Variants in BAK1 observed in about 807,000 individuals in gnomAD.
BAK1 encodes bcl-2 homologous antagonist/killer.
BAK1 carries 19 observed loss-of-function variants against 24.7 expected under a neutral mutation model. The ratio of observed to expected loss-of-function variants is 0.77; its 90% CI spans 0.54 to 1.13. BAK1 has a LOEUF of 1.13. BAK1 is among the 50% of genes most tolerant of loss of function. The pLI is 0.00. For synonymous variants in BAK1, 86 were observed against 107.3 expected (o/e 0.80, Z 1.23); for missense variants, 194 against 279.4 (o/e 0.69, Z 2.18).
At position 33,577,243 on chromosome 6, in the gene BAK1, A is replaced by G. The variant is rs1762862593; in HGVS notation, c.70+292T>C. On this transcript the variant is annotated intron_variant, in intron 2 of 5. Transcript: ENST00000374467. The surrounding 1 kb of genome is among the most constrained non-coding windows in gnomAD (Gnocchi z 4.6). ...GATACAGCAGCCAGGCCCCACTCTA[A>G]TTCCTGCCTCCCTCGCCCGTGACCC... Among the ~76,000 whole-genome samples, 1 of 152,040 alleles carries G rather than the reference A, an allele frequency of 6.6e-6. No individual in the cohort carries two copies. Among genetic ancestry groups the G allele is most frequent in the African/African-American group, 2.4e-5 (1 of 41,382 alleles).
chr6:33,575,779 C>CG lies in BAK1; in HGVS notation c.206+13dup. 1 of 1,611,166 alleles carries CG rather than the reference C, an allele frequency of 6.2e-7. No homozygotes were observed. The highest frequency in any genetic ancestry group is 8.5e-7 in the Non-Finnish European group (1 of 1,179,180). ...CCTGAAGATGTCCTTGTGGGCCCAG[C>CG]GGTTGTAGCTCACCTGCTAGGTTGC... On this transcript the variant is annotated intron_variant, in intron 3 of 5. Transcript: ENST00000374467. This position sits in a 1 kb window ranked among gnomAD's most constrained non-coding sequence, Gnocchi z 6.3.
At chr6:33,576,501 G>T (rs907142594) in intron 2 of BAK1, among the ~76,000 whole-genome samples, 2 of 150,806 alleles carry the variant, frequency 1.3e-5, no homozygotes, top group Non-Finnish European at 3.0e-5. Context: ...GGCGTGGTGG[G>T]AGGCGCCTGT....
chr6:33,574,491 C>T, intron 4 of BAK1: 1 of 1,464,804 alleles, frequency 6.8e-7, no homozygotes, highest in South Asian at 1.2e-5. Flanking sequence ...TGGATGGAGT[C>T]AGCGGGGAGA....
Position 33,580,131 on chromosome 6 carries a change from G to A in BAK1, c.-138C>T, listed in dbSNP as rs1762912525. On this transcript the variant is annotated 5_prime_UTR_variant, in exon 1 of 6. Transcript: ENST00000374467. ...GGGCTGAGTGGGAGCCCAGTTTCCA[G>A]GAATGGGCGTCAGTGCATTCCCGGC... 1 of 152,380 alleles carries A rather than the reference G, an allele frequency of 6.6e-6. No homozygotes were observed. The highest frequency in any genetic ancestry group is 1.5e-5 in the Non-Finnish European group (1 of 68,082). The allele number at this position is 152,380 out of a possible 1,614,324, so 9.4% of individuals were successfully genotyped here.
intron 4 of BAK1, 138 bp from the exon 5 acceptor site, chr6:33,574,352 T>G: frequency 7.0e-7 from 1 of 1,431,010 alleles, no homozygotes; most frequent in South Asian, 1.3e-5. Context: ...TGCCCCAACC[T>G]GGCCTGTATT....
Position 33,575,447 on chromosome 6 carries a change from G to A in BAK1, c.207-6C>T, listed in dbSNP as rs1436375206. The stretch of plus-strand genomic sequence containing the variant: ...GTCCCACCTGCCCCATGGTGCTGTA[G>A]GAGCAGGAGGCATGCAGGTGAGCCA... On this transcript the variant is annotated splice_region_variant and splice_polypyrimidine_tract_variant and intron_variant, in intron 3 of 5. Coordinates refer to ENST00000374467, the MANE Select transcript of BAK1 (RefSeq NM_001188.4). This position sits in a 1 kb window ranked among gnomAD's most constrained non-coding sequence, Gnocchi z 6.3. 6.2e-7 allele frequency: 1 copy of A among 1,613,250 alleles called. No homozygotes were observed. Among genetic ancestry groups the A allele is most frequent in the Non-Finnish European group, 8.5e-7 (1 of 1,180,034 alleles).
At chr6:33,579,860 C>T (rs146892017) in intron 1 of BAK1, among the ~76,000 whole-genome samples, 165 bp downstream of exon 1, 79 of 152,346 alleles carry the variant, frequency 5.2e-4, no homozygotes, top group Admixed American at 9.1e-4. Flanking sequence ...TGAGGGGCAG[C>T]CAGAGGCAGG....
At position 33,580,176 on chromosome 6, in the gene BAK1, TTGTCCC is replaced by T. The variant is rs1216196242; in HGVS notation, c.-189_-184del. On this transcript the variant is annotated 5_prime_UTR_variant, in exon 1 of 6. Coordinates refer to ENST00000374467, the MANE Select transcript of BAK1 (RefSeq NM_001188.4). The stretch of plus-strand genomic sequence containing the variant: ...CCCGGCATCTGGATGTAGCCTTTAC[TTGTCCC>T]TGTGCAGCCCGAGGGACCCGCGAGA... 4 of 152,266 alleles carry T rather than the reference TTGTCCC, an allele frequency of 2.6e-5. No homozygotes were observed. The highest frequency in any genetic ancestry group is 2.9e-5 in the Non-Finnish European group (2 of 68,052). 9.4% of individuals were successfully genotyped at this position (152,266 alleles called of 1,614,324 possible). A position where few individuals can be genotyped will look rare whatever the true frequency, so the allele number is the denominator to read the frequency against.
chr6:33,578,809 GGA>G lies in BAK1; in HGVS notation c.-31-1176_-31-1175del. 6.6e-6 allele frequency among the ~76,000 whole-genome samples: 1 copy of G among 152,292 alleles called. No homozygotes were observed. The highest frequency in any genetic ancestry group is 6.5e-5 in the Admixed American group (1 of 15,294). On this transcript the variant is annotated intron_variant, in intron 1 of 5. Coordinates refer to ENST00000374467, the MANE Select transcript of BAK1 (RefSeq NM_001188.4). The surrounding 1 kb of genome is among the most constrained non-coding windows in gnomAD (Gnocchi z 4.8). ...CCCAGGCAGCCTCCAGCCCTCAGAA[GGA>G]GAGCGCCCTCCTCCTATCCCAGAGG...
At chr6:33,574,440 C>G in intron 4 of BAK1, 1 of 1,504,318 alleles carries the variant, frequency 6.6e-7, no homozygotes, top group Non-Finnish European at 8.9e-7. Context: ...GGTGTACGCT[C>G]AGGTGCAACG....
chr6:33,574,884 G>T (rs11757379), intron 4 of BAK1, among the ~76,000 whole-genome samples: 24,778 of 152,214 alleles, frequency 0.16, 2,837 homozygotes, highest in Non-Finnish European at 0.24. Context: ...CCACTTGGAT[G>T]CCAGATTATA....
At chr6:33,573,992 GC>G (rs1275819971) in intron 5 of BAK1, 41 bp downstream of exon 5, 1 of 1,613,142 alleles carries the variant, frequency 6.2e-7, no homozygotes, top group East Asian at 2.2e-5. Context: ...GAGAGGGGCA[GC>G]CCCAACAGCA....
At chr6:33,574,484 A>G in intron 4 of BAK1, 1 of 1,474,076 alleles carries the variant, frequency 6.8e-7, no homozygotes, top group South Asian at 1.2e-5. Context: ...GAGCAAGTGG[A>G]TGGAGTCAGC....
In BAK1 at chr6:33,577,360, C is replaced by A. The variant is rs555106763; in HGVS notation, c.70+175G>T. Among the ~76,000 whole-genome samples the A allele has an allele frequency of 2.6e-5, 4 of 152,180 alleles. No homozygotes were observed. The highest frequency in any genetic ancestry group is 4.8e-5 in the African/African-American group (2 of 41,446). Reference sequence around the variant, plus strand: ...CCCTCCCCAGTCCAGACTCCTCCCCCTCCTGGGCTTAACCTTGACAGCAGC... The same window carrying A: ...CCCTCCCCAGTCCAGACTCCTCCCCATCCTGGGCTTAACCTTGACAGCAGC... On this transcript the variant is annotated intron_variant, in intron 2 of 5. Coordinates refer to ENST00000374467, the MANE Select transcript of BAK1 (RefSeq NM_001188.4). The surrounding 1 kb of genome is among the most constrained non-coding windows in gnomAD (Gnocchi z 4.6).
chr6:33,578,040 C>T lies in BAK1; in HGVS notation c.-31-405G>A, dbSNP rs1466374022. On this transcript the variant is annotated intron_variant, in intron 1 of 5. Coordinates refer to ENST00000374467, the MANE Select transcript of BAK1 (RefSeq NM_001188.4). The surrounding 1 kb of genome is among the most constrained non-coding windows in gnomAD (Gnocchi z 4.8). ...GTGGCTGCAGCAGTGCCCGCTGGCT[C>T]TCAAGTTCATGCCACTCCTGGGGCA... Among the ~76,000 whole-genome samples the T allele has an allele frequency of 6.6e-6, 1 of 152,162 alleles. No homozygotes were observed. Among genetic ancestry groups the T allele is most frequent in the East Asian group, 1.9e-4 (1 of 5,192 alleles).
intron 4 of BAK1, chr6:33,574,451 GGGCA>G (rs1762810356): frequency 6.0e-6 from 9 of 1,503,586 alleles, no homozygotes; most frequent in Non-Finnish European, 8.0e-6. Context: ...AGGTGCAACG[GGGCA>G]CAGAGAGGGC....
At position 33,573,561 on chromosome 6, in the gene BAK1, T is replaced by C. The variant is rs5745597; in HGVS notation, c.*242A>G. On this transcript the variant is annotated 3_prime_UTR_variant, in exon 6 of 6. Transcript: ENST00000374467. ...CAGGGCTAAGGAGGTCCCAGAGAGC[T>C]GAGGGAGGAGACGGCCACAGCCCCT... 2,626 of 569,694 alleles carry C rather than the reference T, an allele frequency of 4.6e-3. 67 individuals carry two copies. The highest frequency in any genetic ancestry group is 0.041 in the African/African-American group (2,211 of 53,442). The allele number at this position is 569,694 out of a possible 1,614,324, so 35.3% of individuals were successfully genotyped here. A position where few individuals can be genotyped will look rare whatever the true frequency, so the allele number is the denominator to read the frequency against.
In BAK1 at chr6:33,575,307, A is replaced by G. The variant is rs1163271558; in HGVS notation, c.341T>C (p.Ile114Thr). 3.7e-6 allele frequency: 6 copies of G among 1,614,028 alleles called. No individual in the cohort carries two copies. Among genetic ancestry groups the G allele is most frequent in the East Asian group, 4.5e-5 (2 of 44,892 alleles). The change falls in exon 4 of 6, where the codon ATT (isoleucine) becomes ACT (threonine). Residue 114 changes from isoleucine to threonine, a missense_variant. Transcript: ENST00000374467. The surrounding 1 kb of genome is among the most constrained non-coding windows in gnomAD (Gnocchi z 6.3). ...GAGGTGGCTGGGGTACCTGGTGGCAATCTTGGTGAAGTACTCATAGGCATT... is the reference window on the plus strand; with the variant it reads ...GAGGTGGCTGGGGTACCTGGTGGCAGTCTTGGTGAAGTACTCATAGGCATT... ...AENAYEYFTKIATSLFESGIN... is the reference protein window; with the variant it reads ...AENAYEYFTKTATSLFESGIN...
chr6:33,574,611 TA>T (rs1189437146), intron 4 of BAK1: 2 of 1,165,658 alleles, frequency 1.7e-6, no homozygotes, highest in Non-Finnish European at 2.3e-6. Flanking sequence ...GGCTGGCCTC[TA>T]AGTTCACGGA....
Sources: allele counts gnomAD v4.1 joint callset (sites outside exome capture counted in the v4.1 genomes callset), GRCh38; gene constraint gnomAD v4.1.1; non-coding constraint Gnocchi (gnomAD v3.1); transcripts MANE v1.5; gene names NCBI Gene and HGNC (gene_info 2026-07-23, HGNC 2026-07-21).